Variants in USH2A observed in about 807,000 individuals in gnomAD.
The protein encoded by USH2A is usherin.
Under a neutral mutation model 538.9 loss-of-function variants are expected in USH2A, and 443 were observed. The observed-to-expected ratio is 0.82, with a 90% CI of 0.76 to 0.89. The LOEUF (loss-of-function observed/expected upper bound fraction) is 0.89, where lower values mean the gene tolerates loss of function less well. USH2A is among the 40% of genes least tolerant of loss of function. USH2A has a pLI of 0.00. For synonymous variants in USH2A, 2,413 were observed against 2,273.5 expected, an observed-to-expected ratio of 1.06 and a Z score of -1.75; for missense variants, 6,633 against 6,324.8, an observed-to-expected ratio of 1.05 and a Z score of -1.65.
chr1:216,303,089 C>T (rs1411235434), intron 9 of USH2A, among the ~76,000 whole-genome samples: 1 of 151,796 alleles, frequency 6.6e-6, no homozygotes, highest in Non-Finnish European at 1.5e-5. Context: ...TTCTTTATTC[C>T]TTCTTCCTCT....
rs780308389 is a variant in USH2A, at chr1:216,325,393, G to A, written c.1055C>T (p.Thr352Ile). Reference protein sequence around the residue: ...LSFVNDNDVGTSWVSNVFTNI... With the variant: ...LSFVNDNDVGISWVSNVFTNI... Reference sequence around the variant, plus strand: ...TGTAAACACATTTGAAACCCATGAAGTACCAACATCATTATCATTGACAAA... The same window carrying A: ...TGTAAACACATTTGAAACCCATGAAATACCAACATCATTATCATTGACAAA... Residue 352 changes from threonine (T) to isoleucine (I), a missense_variant, in exon 6 of 72, where the codon ACT becomes ATT. By Grantham distance (89) the Thr-to-Ile change is moderately conservative (BLOSUM62 -1). Coordinates refer to ENST00000307340, the MANE Select transcript of USH2A (RefSeq NM_206933.4). 2.5e-6 allele frequency: 4 copies of A among 1,613,862 alleles called. No individual in the cohort carries two copies. Among genetic ancestry groups the A allele is most frequent in the Non-Finnish European group, 3.4e-6 (4 of 1,179,904 alleles).
At chr1:216,380,166 G>T (rs1446570901) in intron 3 of USH2A, among the ~76,000 whole-genome samples, 1 of 152,032 alleles carries the variant, frequency 6.6e-6, no homozygotes, top group African/African-American at 2.4e-5. Context: ...CGCAAAAGAC[G>T]TTAGAAACAA....
chr1:215,978,119 C>A (rs1667665600), intron 35 of USH2A, among the ~76,000 whole-genome samples: 1 of 152,018 alleles, frequency 6.6e-6, no homozygotes, highest in Non-Finnish European at 1.5e-5. Flanking sequence ...AAAGTGAGAG[C>A]CTTTCTTAAA....
intron 40 of USH2A, among the ~76,000 whole-genome samples, chr1:215,893,215 T>G (rs1665250356): frequency 6.6e-6 from 1 of 152,202 alleles, no homozygotes; most frequent in African/African-American, 2.4e-5. Context: ...ATCTATGTAT[T>G]GTTTTAGCAT....
At chr1:216,072,605 G>A in intron 29 of USH2A, 1 of 454,156 alleles carries the variant, frequency 2.2e-6, no homozygotes, top group Admixed American at 3.4e-5. Flanking sequence ...TGTTAGGTAG[G>A]TGGGACTATT....
rs367697103 is a variant in USH2A at position 215,711,208 on chromosome 1, A to G, written c.12066+16822T>C. On this transcript the variant is annotated intron_variant, in intron 61 of 71. Transcript: ENST00000307340. ...TTATATAGATAAGGAGTATTTTATA[A>G]TCCCTTCTTAAGTTCTTTCATATTT... 1.3e-4 allele frequency among the ~76,000 whole-genome samples: 20 copies of G among 152,312 alleles called. No individual in the cohort carries two copies. The South Asian group carries it at 2.9e-3, about 22-fold the overall frequency.
At chr1:215,979,836 A>C (rs568820481) in intron 35 of USH2A, among the ~76,000 whole-genome samples, 1 of 152,308 alleles carries the variant, frequency 6.6e-6, no homozygotes, top group East Asian at 1.9e-4. Flanking sequence ...ATAAAAGCCT[A>C]CTTCCAAAGT....
rs1208973728 is a variant in USH2A at position 216,071,393 on chromosome 1, C to T, written c.5858-1101G>A. ...CAAGATCGAGTTGCAAGGAAAGGGA[C>T]AATGGGAGTGACGCTGATTTTATTA... On this transcript the variant is annotated intron_variant, in intron 29 of 71. Transcript: ENST00000307340. 2.0e-5 allele frequency among the ~76,000 whole-genome samples: 3 copies of T among 152,130 alleles called. No homozygotes were observed. In the East Asian group the frequency reaches 5.8e-4, roughly 29 times the overall value.
At chr1:216,364,346 C>T (rs947930133) in intron 4 of USH2A, among the ~76,000 whole-genome samples, 1 of 152,046 alleles carries the variant, frequency 6.6e-6, no homozygotes, top group Non-Finnish European at 1.5e-5. Context: ...TAGTTTATTA[C>T]ACATTGAAAT....
chr1:215,900,129 T>G lies in USH2A; in HGVS notation c.7540A>C (p.Asn2514His), dbSNP rs777618162. 1.3e-4 allele frequency: 209 copies of G among 1,613,716 alleles called. No homozygotes were observed. The highest frequency in any genetic ancestry group is 1.6e-4 in the Non-Finnish European group (191 of 1,179,804). ...GAACTATGTGCACTGCCAAATCCAT[T>G]GGAGGCAACCAACCGAAACATATAC... ...TEYMFRLVAS[N>H]GFGSAHSSWI... The change falls in exon 40 of 72, where the codon AAT (asparagine) becomes CAT (histidine). Residue 2514 changes from asparagine to histidine, a missense_variant. Transcript: ENST00000307340.
At chr1:216,115,002 G>C (rs982116452) in intron 21 of USH2A, among the ~76,000 whole-genome samples, 1 of 151,896 alleles carries the variant, frequency 6.6e-6, no homozygotes, top group East Asian at 1.9e-4. Context: ...ATCTGTATCC[G>C]TATGTATAGA....
rs149342477 is a variant in USH2A, at chr1:216,272,241, A to T, written c.1971+17039T>A. On this transcript the variant is annotated intron_variant, in intron 11 of 71. Transcript: ENST00000307340. Reference sequence around the variant, plus strand: ...GGTTTTGTGTTCATTTGTTCATTTCATTCAGGACATCAGATTTATTAGCAG... The same window carrying T: ...GGTTTTGTGTTCATTTGTTCATTTCTTTCAGGACATCAGATTTATTAGCAG... 4.4e-3 allele frequency among the ~76,000 whole-genome samples: 675 copies of T among 152,188 alleles called. 1 individual carries two copies. The highest frequency in any genetic ancestry group is 0.014 in the Middle Eastern group (4 of 294).
intron 14 of USH2A, among the ~76,000 whole-genome samples, chr1:216,227,867 A>G (rs1375888241): frequency 6.6e-6 from 1 of 152,190 alleles, no homozygotes; most frequent in Non-Finnish European, 1.5e-5. Flanking sequence ...GCATAGGCAC[A>G]TGATCTTTCC....
intron 32 of USH2A, among the ~76,000 whole-genome samples, chr1:216,027,480 TG>T (rs1668997622): frequency 6.6e-6 from 1 of 152,200 alleles, no homozygotes. Flanking sequence ...CTACCATTCC[TG>T]TGAGTGGATT....
At position 216,217,173 on chromosome 1, in the gene USH2A, C is replaced by T. The variant is rs75415213; in HGVS notation, c.3157+214G>A. On this transcript the variant is annotated intron_variant, in intron 15 of 71. Coordinates refer to ENST00000307340, the MANE Select transcript of USH2A (RefSeq NM_206933.4). ...ACTCCAAAAAACTATTGTAAATTTC[C>T]CACCATGAACATAATTATATTACCA... 0.011 allele frequency among the ~76,000 whole-genome samples: 1,631 copies of T among 152,140 alleles called. 24 individuals carry two copies. Among genetic ancestry groups the T allele is most frequent in the African/African-American group, 0.038 (1,564 of 41,520 alleles).
intron 70 of USH2A, 149 bp downstream of exon 70, chr1:215,634,310 A>G: frequency 7.8e-7 from 1 of 1,287,594 alleles, no homozygotes; most frequent in Non-Finnish European, 1.1e-6. Flanking sequence ...AAGCTGTTCT[A>G]GGGTTAGCCT....
intron 56 of USH2A, among the ~76,000 whole-genome samples, chr1:215,762,996 T>C (rs1452306518): frequency 6.6e-6 from 1 of 152,220 alleles, no homozygotes; most frequent in Non-Finnish European, 1.5e-5. Flanking sequence ...CAAATCTTCA[T>C]TCCAATTCAA....
chr1:215,629,462 C>T (rs1288770686), intron 70 of USH2A, among the ~76,000 whole-genome samples: 3 of 152,108 alleles, frequency 2.0e-5, no homozygotes, highest in Admixed American at 6.6e-5. Flanking sequence ...CCCAGAACAG[C>T]CAAAGATAAC....
intron 37 of USH2A, among the ~76,000 whole-genome samples, chr1:215,939,082 A>AT (rs1202379409): frequency 6.6e-6 from 1 of 152,208 alleles, no homozygotes; most frequent in Non-Finnish European, 1.5e-5. Context: ...AAAATTTAAA[A>AT]TATGCATAAA....
Sources: gnomAD v4.1 joint callset for allele counts (sites outside exome capture counted in the v4.1 genomes callset) on GRCh38, gnomAD v4.1.1 for gene constraint, MANE v1.5 for transcripts, NCBI Gene and HGNC (gene_info 2026-07-23, HGNC 2026-07-21) for gene names.